Variants in LRRTM4 observed in about 807,000 individuals in gnomAD.
LRRTM4 encodes the protein leucine rich repeat transmembrane neuronal 4.
A neutral mutation model predicts 47.6 loss-of-function variants in LRRTM4; 25 were observed. The ratio of observed to expected loss-of-function variants is 0.53; its 90% CI spans 0.38 to 0.73. The LOEUF is 0.73. LRRTM4 is among the 30% of genes least tolerant of loss of function. The probability of loss-of-function intolerance (pLI) is 0.00; values close to 1 mark genes in which losing one functional copy is unlikely to be tolerated. For synonymous variants in LRRTM4, 311 were observed against 269.5 expected (o/e 1.15, Z -1.51); for missense variants, 638 against 713.4 (o/e 0.89, Z 1.20).
chr2:77,212,201 T>TA (rs1674311631), intron 3 of LRRTM4, among the ~76,000 whole-genome samples: 1 of 151,394 alleles, frequency 6.6e-6, no homozygotes, highest in African/African-American at 2.4e-5. Context: ...AAACATTACT[T>TA]AAAGTTGATT....
chr2:77,021,437 T>C (rs77950811), intron 3 of LRRTM4, among the ~76,000 whole-genome samples: 5,628 of 152,236 alleles, frequency 0.037, 384 homozygotes, highest in African/African-American at 0.13. Context: ...GATAATGCTT[T>C]TTCAAATTGA....
At chr2:77,159,529 A>AAAAAAG (rs1264991170) in intron 3 of LRRTM4, among the ~76,000 whole-genome samples, 1 of 151,746 alleles carries the variant, frequency 6.6e-6, no homozygotes, top group East Asian at 1.9e-4. Context: ...AATGGAAAAA[A>AAAAAAG]AAAAAAAGAA....
intron 3 of LRRTM4, among the ~76,000 whole-genome samples, chr2:77,075,937 A>G (rs964656135): frequency 1.3e-4 from 19 of 149,406 alleles, no homozygotes; most frequent in African/African-American, 4.7e-4. Flanking sequence ...AAAAAAAAAA[A>G]AAAAAATGGG....
intron 3 of LRRTM4, among the ~76,000 whole-genome samples, chr2:77,096,045 A>C (rs1277186292): frequency 6.6e-6 from 1 of 152,192 alleles, no homozygotes; most frequent in Non-Finnish European, 1.5e-5. Flanking sequence ...CAAAAATGAA[A>C]TAAGTGGCAG....
chr2:76,883,785 C>G (rs1672995310), intron 3 of LRRTM4, among the ~76,000 whole-genome samples: 1 of 152,138 alleles, frequency 6.6e-6, no homozygotes, highest in Admixed American at 6.6e-5. Flanking sequence ...TAGAGCACTG[C>G]AGACAAGTGC....
chr2:77,029,754 G>T (rs999001805), intron 3 of LRRTM4, among the ~76,000 whole-genome samples: 1 of 152,156 alleles, frequency 6.6e-6, no homozygotes, highest in Admixed American at 6.5e-5. Flanking sequence ...CAAAGATGTA[G>T]TAACAAGAAA....
chr2:77,514,350 G>C (rs1186430450), intron 3 of LRRTM4, among the ~76,000 whole-genome samples: 1 of 151,962 alleles, frequency 6.6e-6, no homozygotes, highest in African/African-American at 2.4e-5. Context: ...AATATCTAAA[G>C]TGTGAAAAGA....
At chr2:77,072,853 G>A (rs1223183415) in intron 3 of LRRTM4, among the ~76,000 whole-genome samples, 1 of 147,494 alleles carries the variant, frequency 6.8e-6, no homozygotes, top group East Asian at 2.0e-4. Context: ...TCCAAGGTTT[G>A]TATGATTTTC....
intron 3 of LRRTM4, among the ~76,000 whole-genome samples, chr2:76,982,521 C>T (rs942037674): frequency 6.6e-6 from 1 of 152,034 alleles, no homozygotes; most frequent in African/African-American, 2.4e-5. Flanking sequence ...GAGCATCATG[C>T]CTCCCTATCA....
intron 3 of LRRTM4, among the ~76,000 whole-genome samples, chr2:77,475,837 A>G (rs1472891069): frequency 6.6e-6 from 1 of 151,828 alleles, no homozygotes; most frequent in Non-Finnish European, 1.5e-5. Context: ...GCACTTCTTT[A>G]TATATTGTCA....
At chr2:77,405,608 C>T (rs1382739466) in intron 3 of LRRTM4, among the ~76,000 whole-genome samples, 1 of 152,064 alleles carries the variant, frequency 6.6e-6, no homozygotes, top group Non-Finnish European at 1.5e-5. Flanking sequence ...TCAAAGATCA[C>T]TTTCCAGTTA....
At chr2:77,384,079 C>T (rs1341306611) in intron 3 of LRRTM4, among the ~76,000 whole-genome samples, 1 of 152,060 alleles carries the variant, frequency 6.6e-6, no homozygotes, top group Non-Finnish European at 1.5e-5. Context: ...AGTTTTATAA[C>T]TAACTATATC....
intron 3 of LRRTM4, among the ~76,000 whole-genome samples, chr2:76,820,173 G>A (rs1208448835): frequency 6.6e-6 from 1 of 151,894 alleles, no homozygotes; most frequent in Non-Finnish European, 1.5e-5. Context: ...ATCATTAAAT[G>A]TAATTGATGG....
intron 3 of LRRTM4, among the ~76,000 whole-genome samples, chr2:76,966,368 G>A (rs1199694972): frequency 6.6e-6 from 1 of 151,198 alleles, no homozygotes; most frequent in Non-Finnish European, 1.5e-5. Flanking sequence ...CAAGAAGGGG[G>A]TTAGGAGTAA....
chr2:77,320,700 G>T (rs1202768876), intron 3 of LRRTM4, among the ~76,000 whole-genome samples: 1 of 151,794 alleles, frequency 6.6e-6, no homozygotes, highest in Middle Eastern at 3.2e-3. Flanking sequence ...TATATTCATG[G>T]TTATTATACC....
At chr2:76,932,653 T>C (rs1470711638) in intron 3 of LRRTM4, among the ~76,000 whole-genome samples, 1 of 152,074 alleles carries the variant, frequency 6.6e-6, no homozygotes, top group Non-Finnish European at 1.5e-5. Flanking sequence ...TTCTAAAATA[T>C]TTTCTAAATA....
intron 3 of LRRTM4, among the ~76,000 whole-genome samples, chr2:76,983,573 G>A (rs973742229): frequency 1.3e-5 from 2 of 152,006 alleles, no homozygotes; most frequent in Non-Finnish European, 2.9e-5. Context: ...ATGTGAAACT[G>A]TGAGTCCATT....
At chr2:76,782,532 C>T (rs1389122050) in intron 3 of LRRTM4, among the ~76,000 whole-genome samples, 1 of 152,176 alleles carries the variant, frequency 6.6e-6, no homozygotes, top group Non-Finnish European at 1.5e-5. Flanking sequence ...TACAGCAGTA[C>T]AGTAATAAAT....
intron 3 of LRRTM4, among the ~76,000 whole-genome samples, chr2:76,938,371 T>G (rs570014602): frequency 7.2e-4 from 107 of 149,292 alleles, no homozygotes; most frequent in Middle Eastern, 3.5e-3. Flanking sequence ...TATTTTCATT[T>G]TGAAGACAAA....
Sources: gnomAD v4.1 joint callset for allele counts (sites outside exome capture counted in the v4.1 genomes callset) on GRCh38, gnomAD v4.1.1 for gene constraint, MANE v1.5 for transcripts, NCBI Gene and HGNC (gene_info 2026-07-23, HGNC 2026-07-21) for gene names.